The following INSL6 variants were observed in gnomAD, a reference collection of about 807,000 sequenced individuals.
INSL6 encodes the protein insulin like 6.
In INSL6, 16 loss-of-function variants were observed where a neutral mutation model predicts 9.4. The observed-to-expected ratio is 1.70, with a 90% CI of 1.15 to 2.59. The LOEUF (loss-of-function observed/expected upper bound fraction) is 2.59, where lower values mean the gene tolerates loss of function less well. Ranked by LOEUF, INSL6 falls within the 30% of genes most tolerant of loss-of-function variation. The pLI, the probability that INSL6 is intolerant of heterozygous loss-of-function variation, is 0.00. For synonymous variants in INSL6, 154 were observed against 96.9 expected, an observed-to-expected ratio of 1.59 and a Z score of -3.46; for missense variants, 391 against 257.3, an observed-to-expected ratio of 1.52 and a Z score of -3.56.
chr9:5,061,136 T>G, the INSL6 span, among the ~76,000 whole-genome samples: 1 of 152,218 alleles, frequency 6.6e-6, no homozygotes, highest in Non-Finnish European at 1.5e-5. Flanking sequence ...GTTGTTCCAT[T>G]TATAGAGCAC....
the INSL6 span, among the ~76,000 whole-genome samples, chr9:5,027,983 C>G: frequency 6.6e-6 from 1 of 152,294 alleles, no homozygotes; most frequent in African/African-American, 2.4e-5. Context: ...TTCCAAACTC[C>G]TGTTAATGTT....
chr9:5,112,188 G>C, the INSL6 span: 14 of 270,392 alleles, frequency 5.2e-5, no homozygotes, highest in South Asian at 4.7e-4. Context: ...CGCTGGCCTT[G>C]GGCTTCGCCG....
chr9:4,994,818 ACT>A, the INSL6 span, among the ~76,000 whole-genome samples: 4 of 152,044 alleles, frequency 2.6e-5, no homozygotes, highest in South Asian at 2.1e-4. Context: ...TTGGAACAAA[ACT>A]CTCTGAGAGT....
At chr9:5,054,428 C>T in the INSL6 span, 6 of 657,990 alleles carry the variant, frequency 9.1e-6, no homozygotes, top group Admixed American at 2.9e-5. This position sits in a 1 kb window ranked among gnomAD's most constrained non-coding sequence, Gnocchi z 4.9. Context: ...GTTATGTCAA[C>T]TTACGCCACT....
chr9:5,100,596 C>G, the INSL6 span: 19 of 152,250 alleles, frequency 1.2e-4, no homozygotes, highest in African/African-American at 3.4e-4. Flanking sequence ...CCCCAACAGG[C>G]ATTTTTCCCC....
intron 3 of INSL6, chr9:5,127,692 C>T (rs1318455776): frequency 1.3e-5 from 3 of 232,114 alleles, no homozygotes; most frequent in Non-Finnish European, 2.6e-5. Flanking sequence ...TCTTCGATCT[C>T]TGGGATTTAT....
intron 1 of INSL6, among the ~76,000 whole-genome samples, chr9:5,180,065 T>C (rs113657238): frequency 0.085 from 12,908 of 152,284 alleles, 748 homozygotes; most frequent in Admixed American, 0.14. Flanking sequence ...TTGTGGGAAG[T>C]CAGGGACCCT....
chr9:5,141,512 G>A (rs923994038), intron 2 of INSL6, among the ~76,000 whole-genome samples: 2 of 152,106 alleles, frequency 1.3e-5, no homozygotes, highest in African/African-American at 2.4e-5. Flanking sequence ...TTTGAAAAGT[G>A]TCTGTTCATG....
chr9:5,014,446 A>T, the INSL6 span, among the ~76,000 whole-genome samples: 1 of 152,232 alleles, frequency 6.6e-6, no homozygotes, highest in East Asian at 1.9e-4. Context: ...AGTAAATAAT[A>T]CATTAAGGTT....
chr9:5,128,489 A>C (rs1824147506), intron 3 of INSL6, among the ~76,000 whole-genome samples: 1 of 151,870 alleles, frequency 6.6e-6, no homozygotes, highest in Non-Finnish European at 1.5e-5. Flanking sequence ...CCTATCATAC[A>C]ATATGCTTGA....
chr9:5,143,596 AG>A (rs1302206739), intron 2 of INSL6, among the ~76,000 whole-genome samples: 6 of 150,902 alleles, frequency 4.0e-5, no homozygotes, highest in Admixed American at 3.3e-4. Flanking sequence ...TTTTTAGTCT[AG>A]CTACTGGTCT....
chr9:5,072,533 A>G, the INSL6 span: 1 of 1,603,172 alleles, frequency 6.2e-7, no homozygotes, highest in African/African-American at 1.3e-5. Context: ...AGATTTTTAA[A>G]GGCGTACGAA....
At chr9:5,107,991 C>A in the INSL6 span, 1 of 152,164 alleles carries the variant, frequency 6.6e-6, no homozygotes, top group African/African-American at 2.4e-5. Context: ...ATTCTATAAT[C>A]TGAATTAACA....
chr9:5,034,841 G>A, the INSL6 span, among the ~76,000 whole-genome samples: 1 of 152,080 alleles, frequency 6.6e-6, no homozygotes, highest in Non-Finnish European at 1.5e-5. Flanking sequence ...AAAACCAAGA[G>A]CAAACACATT....
At chr9:5,042,151 G>C in the INSL6 span, among the ~76,000 whole-genome samples, 1 of 120,862 alleles carries the variant, frequency 8.3e-6, no homozygotes, top group African/African-American at 3.3e-5. Context: ...TTTTTTTTGA[G>C]ACGGAGTCTC....
At chr9:5,060,104 AGTGTGC>A in the INSL6 span, among the ~76,000 whole-genome samples, 4 of 152,232 alleles carry the variant, frequency 2.6e-5, no homozygotes, top group East Asian at 7.7e-4. Flanking sequence ...AAGTCTACTA[AGTGTGC>A]AACAGCATTA....
the INSL6 span, among the ~76,000 whole-genome samples, chr9:5,071,930 A>G: frequency 6.6e-6 from 1 of 152,218 alleles, no homozygotes; most frequent in African/African-American, 2.4e-5. Flanking sequence ...GCTGATACTT[A>G]ATGCACATTT....
chr9:5,053,863 G>C, the INSL6 span, among the ~76,000 whole-genome samples: 1 of 152,106 alleles, frequency 6.6e-6, no homozygotes, highest in African/African-American at 2.4e-5. Context: ...TGAGTAACTA[G>C]ATAGGAGATG....
At chr9:5,038,254 C>A in the INSL6 span, among the ~76,000 whole-genome samples, 1 of 152,028 alleles carries the variant, frequency 6.6e-6, no homozygotes. Context: ...AAAGAAAGAA[C>A]AGAAAGTTTG....
Sources: gnomAD v4.1 joint callset for allele counts (sites outside exome capture counted in the v4.1 genomes callset) on GRCh38, gnomAD v4.1.1 for gene constraint, Gnocchi (gnomAD v3.1) non-coding constraint, MANE v1.5 for transcripts, NCBI Gene and HGNC (gene_info 2026-07-23, HGNC 2026-07-21) for gene names.